ADGRL3: variants seen among roughly 807,000 people sequenced by gnomAD.
The protein encoded by ADGRL3 is calcium-independent alpha-latrotoxin receptor 3.
Under a neutral mutation model 153.5 loss-of-function variants are expected in ADGRL3, and 62 were observed. That is an observed-to-expected ratio of 0.40 (90% CI 0.33 to 0.50). The LOEUF is 0.50. ADGRL3 is among the 20% of genes least tolerant of loss of function. ADGRL3 has a pLI of 0.47. For synonymous variants in ADGRL3, 710 were observed against 672.5 expected (o/e 1.06, Z -0.86); for missense variants, 1,641 against 1,859.4 (o/e 0.88, Z 2.16).
At chr4:61,381,334 T>TGTGTGTGTGTGTGTG (rs1560548329) in intron 1 of ADGRL3, among the ~76,000 whole-genome samples, 1 of 146,836 alleles carries the variant, frequency 6.8e-6, no homozygotes, top group African/African-American at 2.5e-5. Context: ...TGTGTGTGTG[T>TGTGTGTGTGTGTGTG]TTAATTAAGA....
chr4:61,470,519 A>T lies in ADGRL3; in HGVS notation c.-173-26602A>T, dbSNP rs144102944. Among the ~76,000 whole-genome samples, 23 of 152,078 alleles carry T rather than the reference A, an allele frequency of 1.5e-4. No individual in the cohort carries two copies. In the East Asian group the frequency reaches 2.5e-3, roughly 17 times the overall value. ...ATCTGAGTTCCTATAATGACTGCATATTTATTTGCTTCTTTATAGATAAGT... is the reference window on the plus strand; with the variant it reads ...ATCTGAGTTCCTATAATGACTGCATTTTTATTTGCTTCTTTATAGATAAGT... On this transcript the variant is annotated intron_variant, in intron 2 of 26. Coordinates refer to ENST00000683033, the MANE Select transcript of ADGRL3 (RefSeq NM_001387552.1).
At chr4:61,871,792 A>T (rs910323386) in intron 9 of ADGRL3, among the ~76,000 whole-genome samples, 2 of 152,266 alleles carry the variant, frequency 1.3e-5, no homozygotes, top group Non-Finnish European at 2.9e-5. Flanking sequence ...CTGTTATTTT[A>T]AAAAAGCTAA....
intron 6 of ADGRL3, among the ~76,000 whole-genome samples, chr4:61,724,244 A>C (rs2096288191): frequency 6.6e-6 from 1 of 152,220 alleles, no homozygotes; most frequent in Admixed American, 6.5e-5. Flanking sequence ...TTTAAGTATT[A>C]CCAATAATAA....
At chr4:61,592,546 G>A (rs1289773606) in intron 5 of ADGRL3, among the ~76,000 whole-genome samples, 1 of 152,128 alleles carries the variant, frequency 6.6e-6, no homozygotes, top group Admixed American at 6.6e-5. Context: ...TAAAGGAAAA[G>A]AAAGGAGAGA....
At chr4:61,264,466 T>C (rs1419854633) in intron 1 of ADGRL3, among the ~76,000 whole-genome samples, 2 of 152,020 alleles carry the variant, frequency 1.3e-5, no homozygotes, top group African/African-American at 2.4e-5. Context: ...TTTTGACATA[T>C]AGTAAGTGTA....
intron 19 of ADGRL3, among the ~76,000 whole-genome samples, chr4:61,986,684 T>C (rs2099086534): frequency 6.6e-6 from 1 of 152,132 alleles, no homozygotes; most frequent in South Asian, 2.1e-4. Context: ...GGAGGGTAGA[T>C]GGAAGAGAGA....
chr4:61,474,797 A>T (rs566097891), intron 2 of ADGRL3, among the ~76,000 whole-genome samples: 3 of 152,228 alleles, frequency 2.0e-5, no homozygotes, highest in African/African-American at 7.2e-5. Flanking sequence ...TAAAAGCATA[A>T]ATATAGTTCA....
intron 5 of ADGRL3, among the ~76,000 whole-genome samples, chr4:61,606,651 T>C (rs922602500): frequency 3.3e-5 from 5 of 152,130 alleles, no homozygotes; most frequent in South Asian, 4.1e-4. Flanking sequence ...TATAGTCACA[T>C]TGGAGGTTAG....
At chr4:61,244,944 A>G (rs1399617701) in intron 1 of ADGRL3, among the ~76,000 whole-genome samples, 1 of 151,978 alleles carries the variant, frequency 6.6e-6, no homozygotes, top group Non-Finnish European at 1.5e-5. Context: ...GTGTTTGTTT[A>G]GAGATAAGTG....
At chr4:62,061,832 G>A (rs1263390411) in intron 25 of ADGRL3, among the ~76,000 whole-genome samples, 1 of 151,976 alleles carries the variant, frequency 6.6e-6, no homozygotes, top group East Asian at 1.9e-4. Context: ...CATGGTATGG[G>A]AATACTACAG....
intron 13 of ADGRL3, among the ~76,000 whole-genome samples, chr4:61,929,509 A>G: frequency 6.6e-6 from 1 of 152,210 alleles, no homozygotes. Flanking sequence ...TACTCATCAA[A>G]CTAATAACTT....
intron 9 of ADGRL3, among the ~76,000 whole-genome samples, chr4:61,853,509 C>T (rs2098230993): frequency 6.6e-6 from 1 of 152,062 alleles, no homozygotes; most frequent in Non-Finnish European, 1.5e-5. Flanking sequence ...GGCTGCAGAG[C>T]TTTAGTATAA....
chr4:62,020,615 G>A (rs1023943608), intron 21 of ADGRL3, among the ~76,000 whole-genome samples: 1 of 151,948 alleles, frequency 6.6e-6, no homozygotes, highest in Non-Finnish European at 1.5e-5. Flanking sequence ...CTTCTCATTT[G>A]TTTCATTTTT....
At chr4:61,949,709 A>T (rs915202900) in intron 17 of ADGRL3, among the ~76,000 whole-genome samples, 1 of 152,094 alleles carries the variant, frequency 6.6e-6, no homozygotes, top group Non-Finnish European at 1.5e-5. Context: ...AAAAAAAAAA[A>T]TCTTAAAATA....
intron 6 of ADGRL3, among the ~76,000 whole-genome samples, chr4:61,708,690 AAAG>A: frequency 6.6e-6 from 1 of 152,298 alleles, no homozygotes; most frequent in South Asian, 2.1e-4. Flanking sequence ...TAAAAAATTC[AAAG>A]AAGAACATGG....
chr4:61,666,214 T>G (rs1028581959), intron 5 of ADGRL3, among the ~76,000 whole-genome samples: 2 of 152,198 alleles, frequency 1.3e-5, no homozygotes, highest in Non-Finnish European at 2.9e-5. Context: ...TATGAGGAAG[T>G]CAAAGCCATT....
At chr4:61,799,072 G>C (rs2097455993) in intron 8 of ADGRL3, among the ~76,000 whole-genome samples, 2 of 137,378 alleles carry the variant, frequency 1.5e-5, no homozygotes, top group Admixed American at 1.5e-4. Flanking sequence ...GTGGTAGATA[G>C]ATAGGTAGAT....
chr4:61,903,040 T>C (rs113454768), intron 11 of ADGRL3, among the ~76,000 whole-genome samples: 1,728 of 152,278 alleles, frequency 0.011, 35 homozygotes, highest in African/African-American at 0.039. Context: ...AATAGATGGA[T>C]AGATAAGCGG....
At chr4:61,769,320 G>A (rs1231534015) in intron 8 of ADGRL3, among the ~76,000 whole-genome samples, 13 of 151,928 alleles carry the variant, frequency 8.6e-5, no homozygotes, top group Admixed American at 6.5e-5. Context: ...GAAGTGTGGC[G>A]CCAAGATTGA....
Sources: allele counts gnomAD v4.1 joint callset (sites outside exome capture counted in the v4.1 genomes callset), GRCh38; gene constraint gnomAD v4.1.1; transcripts MANE v1.5; gene names NCBI Gene and HGNC (gene_info 2026-07-23, HGNC 2026-07-21).